Variants in BIN1 observed in about 807,000 individuals in gnomAD.
BIN1 encodes the protein myc box-dependent-interacting protein 1.
Under a neutral mutation model 82.0 loss-of-function variants are expected in BIN1, and 53 were observed. The observed-to-expected ratio is 0.65, with a 90% CI of 0.52 to 0.81. The LOEUF is 0.81. BIN1 is among the 40% of genes least tolerant of loss of function. The pLI, the probability that BIN1 is intolerant of heterozygous loss-of-function variation, is 0.00. For synonymous variants in BIN1, 302 were observed against 328.0 expected (o/e 0.92, Z 0.86); for missense variants, 642 against 784.4 (o/e 0.82, Z 2.17).
chr2:127,055,452 T>C (rs1349149939), intron 12 of BIN1: 1 of 151,862 alleles, frequency 6.6e-6, no homozygotes, highest in Non-Finnish European at 1.5e-5. Context: ...AGCAGCTGAC[T>C]TTCCTTTAGG....
chr2:127,069,063 G>C (rs760509060), intron 5 of BIN1, 32 bp from the exon 6 acceptor site: 3 of 1,599,220 alleles, frequency 1.9e-6, no homozygotes, highest in Admixed American at 1.7e-5. Flanking sequence ...ACTAAGCGGG[G>C]CCTGGCACCC....
At position 127,068,343 on chromosome 2, in the gene BIN1, C is replaced by A; in HGVS notation, c.520-88G>T. 9.2e-7 allele frequency: 1 copy of A among 1,090,788 alleles called. No individual in the cohort carries two copies. Among genetic ancestry groups the A allele is most frequent in the South Asian group, 1.4e-5 (1 of 73,374 alleles). 67.6% of individuals were successfully genotyped at this position (1,090,788 alleles called of 1,614,324 possible). ...AGAGACACACAGATTAAATGCAGGT[C>A]CACACGCCCCACGCGCGGGGGCCAC... On this transcript the variant is annotated intron_variant, in intron 6 of 18. Transcript: ENST00000316724. This position sits in a 1 kb window ranked among gnomAD's most constrained non-coding sequence, Gnocchi z 4.9.
rs539262568 is a variant in BIN1, at chr2:127,087,773, G to A, written c.85-11067C>T. ...AGCTAGAATCCGCACACGGCCCACC[G>A]CTACCAAGCCCTTGGATTTTATCAG... On this transcript the variant is annotated intron_variant, in intron 1 of 18. Coordinates refer to ENST00000316724, the MANE Select transcript of BIN1 (RefSeq NM_139343.3). Among the ~76,000 whole-genome samples the A allele has an allele frequency of 7.9e-5, 12 of 152,232 alleles. No individual in the cohort carries two copies. In the East Asian group the frequency reaches 1.9e-3, roughly 25 times the overall value.
chr2:127,076,802 G>C, intron 1 of BIN1, 96 bp from the exon 2 acceptor site: 1 of 1,410,782 alleles, frequency 7.1e-7, no homozygotes, highest in Non-Finnish European at 1.0e-6. Flanking sequence ...ACCAGGGGCT[G>C]GGAAGTCTCT....
chr2:127,070,132 G>C, intron 4 of BIN1, 42 bp from the exon 5 acceptor site: 1 of 1,560,132 alleles, frequency 6.4e-7, no homozygotes, highest in Non-Finnish European at 8.8e-7. Flanking sequence ...AGGAGGGCTG[G>C]GCCACACCCG....
At chr2:127,094,441 G>A (rs1248433535) in intron 1 of BIN1, among the ~76,000 whole-genome samples, 1 of 152,196 alleles carries the variant, frequency 6.6e-6, no homozygotes, top group Non-Finnish European at 1.5e-5. Flanking sequence ...TTTGCTGTTA[G>A]CCCGTTTTAT....
chr2:127,061,076 C>T (rs1362395393), intron 10 of BIN1, among the ~76,000 whole-genome samples: 2 of 152,306 alleles, frequency 1.3e-5, no homozygotes, highest in East Asian at 1.9e-4. Flanking sequence ...TGGTTCTGGC[C>T]AGGACGGCCC....
intron 1 of BIN1, among the ~76,000 whole-genome samples, chr2:127,101,981 C>T (rs562101471): frequency 1.3e-5 from 2 of 152,306 alleles, no homozygotes; most frequent in South Asian, 2.1e-4. Flanking sequence ...CTCAAGGTGC[C>T]GCTCTGCCAC....
In BIN1 at chr2:127,057,981, C is replaced by G. The variant is rs1487254910; in HGVS notation, c.1003-380G>C. Reference sequence around the variant, plus strand: ...TGAGAAGACTGGGGAAGCAAACAGTCGTTGAGAGACAGCCGGGCCCCAGCC... The same window carrying G: ...TGAGAAGACTGGGGAAGCAAACAGTGGTTGAGAGACAGCCGGGCCCCAGCC... On this transcript the variant is annotated intron_variant, in intron 11 of 18. Coordinates refer to ENST00000316724, the MANE Select transcript of BIN1 (RefSeq NM_139343.3). This position sits in a 1 kb window ranked among gnomAD's most constrained non-coding sequence, Gnocchi z 5.0. Among the ~76,000 whole-genome samples the G allele has an allele frequency of 6.6e-6, 1 of 152,120 alleles. No individual in the cohort carries two copies. The highest frequency in any genetic ancestry group is 2.1e-4 in the South Asian group (1 of 4,824).
rs146325986 is a variant in BIN1 at position 127,050,315 on chromosome 2, C to T, written c.1674+106G>A. On this transcript the variant is annotated intron_variant, in intron 18 of 18. Coordinates refer to ENST00000316724, the MANE Select transcript of BIN1 (RefSeq NM_139343.3). The stretch of plus-strand genomic sequence containing the variant: ...GTTGGCGCGGGAGCCCTGGTGCTCG[C>T]GGGCCTCTGCTGCCCCCTGCTGGCC... 5,163 of 1,218,864 alleles carry T rather than the reference C, an allele frequency of 4.2e-3. 16 individuals carry two copies. Among genetic ancestry groups the T allele is most frequent in the Non-Finnish European group, 5.2e-3 (4,320 of 836,574 alleles). The allele number at this position is 1,218,864 out of a possible 1,614,324, so 75.5% of individuals were successfully genotyped here.
At chr2:127,089,430 G>A (rs1042772052) in intron 1 of BIN1, among the ~76,000 whole-genome samples, 3 of 152,190 alleles carry the variant, frequency 2.0e-5, no homozygotes, top group Non-Finnish European at 4.4e-5. Context: ...GACCCAGGTG[G>A]GAGGCAAGGG....
intron 2 of BIN1, among the ~76,000 whole-genome samples, chr2:127,072,497 G>A (rs1327148101): frequency 1.3e-5 from 2 of 152,188 alleles, no homozygotes; most frequent in South Asian, 2.1e-4. Flanking sequence ...AATGGGTAGT[G>A]ATGCGGCCCT....
intron 2 of BIN1, among the ~76,000 whole-genome samples, chr2:127,075,351 G>A (rs567201689): frequency 5.9e-5 from 9 of 152,322 alleles, no homozygotes; most frequent in African/African-American, 2.2e-4. Flanking sequence ...GCTGAGTAGG[G>A]ACATGCCCTG....
Position 127,107,066 on chromosome 2 carries a change from C to T in BIN1, c.-123G>A. The T allele has an allele frequency of 9.6e-7, 1 of 1,044,222 alleles. No homozygotes were observed. The highest frequency in any genetic ancestry group is 1.3e-6 in the Non-Finnish European group (1 of 792,146). 64.7% of individuals were successfully genotyped at this position (1,044,222 alleles called of 1,614,324 possible). ...CGGCTGCCGCTCCACGCCGCGCACCCGACAGCGGAGCCAACTGACGGAGGC... is the reference window on the plus strand; with the variant it reads ...CGGCTGCCGCTCCACGCCGCGCACCTGACAGCGGAGCCAACTGACGGAGGC... On this transcript the variant is annotated 5_prime_UTR_variant, in exon 1 of 19. Coordinates refer to ENST00000316724, the MANE Select transcript of BIN1 (RefSeq NM_139343.3). The surrounding 1 kb of genome is among the most constrained non-coding windows in gnomAD (Gnocchi z 5.9).
Position 127,067,970 on chromosome 2 carries a change from C to A in BIN1, c.612+193G>T, listed in dbSNP as rs533953764. On this transcript the variant is annotated intron_variant, in intron 7 of 18. Transcript: ENST00000316724. The surrounding 1 kb of genome is among the most constrained non-coding windows in gnomAD (Gnocchi z 4.7). ...ATGCCCCCACCCAGGTCACACAGAG[C>A]CCCTCAGCCGGTTCTTTGACCCCTA... Among the ~76,000 whole-genome samples, 277 of 152,286 alleles carry A rather than the reference C, an allele frequency of 1.8e-3. 2 individuals carry two copies. The highest frequency in any genetic ancestry group is 6.2e-3 in the African/African-American group (258 of 41,570).
At chr2:127,092,672 C>T (rs915007316) in intron 1 of BIN1, among the ~76,000 whole-genome samples, 4 of 152,206 alleles carry the variant, frequency 2.6e-5, no homozygotes, top group Non-Finnish European at 5.9e-5. Flanking sequence ...AGGATCCACC[C>T]TGCAGTCCCA....
At chr2:127,095,704 G>C (rs1363544933) in intron 1 of BIN1, among the ~76,000 whole-genome samples, 1 of 152,236 alleles carries the variant, frequency 6.6e-6, no homozygotes, top group African/African-American at 2.4e-5. Context: ...CAAGAGGAAG[G>C]GAATCCCAGA....
chr2:127,096,764 G>A (rs1260623768), intron 1 of BIN1, among the ~76,000 whole-genome samples: 1 of 152,204 alleles, frequency 6.6e-6, no homozygotes, highest in Non-Finnish European at 1.5e-5. Context: ...ACCCTCAAGG[G>A]GTCTTTCCCA....
Position 127,084,829 on chromosome 2 carries a change from C to T in BIN1, c.85-8123G>A, listed in dbSNP as rs540866979. Reference sequence around the variant, plus strand: ...GCCCATTGCAGTGTTCCTTAGGAGGCCACACTGACTGTGGGCTGTGGCACC... The same window carrying T: ...GCCCATTGCAGTGTTCCTTAGGAGGTCACACTGACTGTGGGCTGTGGCACC... On this transcript the variant is annotated intron_variant, in intron 1 of 18. Coordinates refer to ENST00000316724, the MANE Select transcript of BIN1 (RefSeq NM_139343.3). Among the ~76,000 whole-genome samples the T allele has an allele frequency of 9.4e-4, 143 of 152,272 alleles. No individual in the cohort carries two copies. In the Middle Eastern group the frequency reaches 0.017, roughly 18 times the overall value.
Sources: gnomAD v4.1 joint callset for allele counts (sites outside exome capture counted in the v4.1 genomes callset) on GRCh38, gnomAD v4.1.1 for gene constraint, Gnocchi (gnomAD v3.1) non-coding constraint, MANE v1.5 for transcripts, NCBI Gene and HGNC (gene_info 2026-07-23, HGNC 2026-07-21) for gene names.